The following NECAB3 variants were observed in gnomAD, a reference collection of about 807,000 sequenced individuals.
NECAB3 encodes the protein N-terminal EF-hand calcium binding protein 3.
NECAB3 carries 38 observed loss-of-function variants against 57.2 expected under a neutral mutation model. The observed-to-expected ratio is 0.66, with a 90% CI of 0.51 to 0.87. NECAB3 has a LOEUF of 0.87. Among genes scored for constraint, NECAB3 ranks in the 40% least tolerant of loss-of-function variants. NECAB3 has a pLI of 0.00. For synonymous variants in NECAB3, 223 were observed against 222.6 expected, an observed-to-expected ratio of 1.00 and a Z score of -0.02; for missense variants, 474 against 527.5, an observed-to-expected ratio of 0.90 and a Z score of 0.99.
At chr20:33,669,579 T>C in intron 4 of NECAB3, 107 bp from the exon 5 acceptor site, 1 of 1,540,920 alleles carries the variant, frequency 6.5e-7, no homozygotes, top group Admixed American at 1.9e-5. Context: ...CCTTATATCC[T>C]GAGCCCAGCC....
chr20:33,657,754 C>T lies in NECAB3; in HGVS notation c.*75G>A. ...GAGGAGACAAGTCCTGGTCTTTGCGCTGGGCTGGCCAGTCCAGAAGGCTCC... is the reference window on the plus strand; with the variant it reads ...GAGGAGACAAGTCCTGGTCTTTGCGTTGGGCTGGCCAGTCCAGAAGGCTCC... On this transcript the variant is annotated 3_prime_UTR_variant, in exon 12 of 12. Transcript: ENST00000246190. 1 of 1,436,218 alleles carries T rather than the reference C, an allele frequency of 7.0e-7. No individual in the cohort carries two copies. The highest frequency in any genetic ancestry group is 1.4e-5 in the African/African-American group (1 of 69,682). 89.0% of individuals were successfully genotyped at this position (1,436,218 alleles called of 1,614,324 possible). A position where few individuals can be genotyped will look rare whatever the true frequency, so the allele number is the denominator to read the frequency against.
chr20:33,672,289 AAGAT>A (rs2017843643), intron 2 of NECAB3, 105 bp downstream of exon 2: 1 of 1,357,462 alleles, frequency 7.4e-7, no homozygotes, highest in Non-Finnish European at 1.1e-6. Context: ...TTGGGCCCCC[AAGAT>A]TTGTCTCAAC....
At chr20:33,667,559 A>G (rs2017702112) in intron 5 of NECAB3, 1 of 1,553,850 alleles carries the variant, frequency 6.4e-7, no homozygotes, top group Non-Finnish European at 8.7e-7. Context: ...CTGGCCGTGG[A>G]GGCGGGCGCG....
rs41301829 is a variant in NECAB3, at chr20:33,669,398, C to T, written c.364G>A (p.Ala122Thr). The T allele has an allele frequency of 1.9e-4, 302 of 1,613,544 alleles. 1 individual carries two copies. The highest frequency in any genetic ancestry group is 1.1e-3 in the African/African-American group (84 of 75,040). Residue 122 changes from alanine (A) to threonine (T), a missense_variant, in exon 5 of 12, where the codon GCT (alanine) becomes ACT (threonine). Transcript: ENST00000246190. ...ACCAGCTTGGTGGCATCCATGGCAG[C>T]GAGCACTGCACGGTTCAGCGATTCC... ...ALESLNRAVLAAMDATKLEYE... is the reference protein window; with the variant it reads ...ALESLNRAVLTAMDATKLEYE...
At chr20:33,659,367 G>T in intron 8 of NECAB3, 130 bp downstream of exon 8, 3 of 771,454 alleles carry the variant, frequency 3.9e-6, no homozygotes, top group Non-Finnish European at 5.8e-6. Context: ...CCCGGCACCT[G>T]CTTGCCAGGC....
intron 5 of NECAB3, among the ~76,000 whole-genome samples, chr20:33,666,085 T>A (rs2017640841): frequency 1.3e-5 from 2 of 151,634 alleles, no homozygotes; most frequent in African/African-American, 4.8e-5. Context: ...GTCTCAAAAA[T>A]AATAATAATA....
chr20:33,669,083 T>C, intron 5 of NECAB3: 2 of 419,006 alleles, frequency 4.8e-6, no homozygotes, highest in Non-Finnish European at 4.3e-6. Context: ...AAGCACCCAG[T>C]GTATGCCAGA....
intron 10 of NECAB3, 70 bp downstream of exon 10, chr20:33,658,407 A>G: frequency 6.6e-7 from 1 of 1,510,472 alleles, no homozygotes; most frequent in Non-Finnish European, 9.2e-7. Flanking sequence ...GGAGAGCAGA[A>G]TTAGAACCCT....
chr20:33,658,163 T>G (rs1278959178), intron 10 of NECAB3, 130 bp from the exon 11 acceptor site: 11 of 807,390 alleles, frequency 1.4e-5, no homozygotes, highest in Non-Finnish European at 1.9e-5. Flanking sequence ...ACGGGGAAGC[T>G]GTGTGGGTGG....
chr20:33,668,110 C>G, intron 5 of NECAB3: 5 of 1,608,630 alleles, frequency 3.1e-6, no homozygotes, highest in Non-Finnish European at 4.2e-6. Context: ...CAAGCATGGG[C>G]GTGGCATGGC....
intron 5 of NECAB3, chr20:33,663,647 G>A (rs1365250726): frequency 4.4e-6 from 7 of 1,600,360 alleles, no homozygotes; most frequent in African/African-American, 1.3e-5. Context: ...CCCAGATTGC[G>A]CGGAGCGGGC....
chr20:33,657,833 T>C lies in NECAB3; in HGVS notation c.1187A>G (p.Asn396Ser). The change falls in exon 12 of 12, where the codon AAC becomes AGC. Residue 396 changes from asparagine to serine, a missense_variant. Asn to Ser is a conservative substitution (Grantham distance 46, BLOSUM62 1). Transcript: ENST00000246190. ...CTCGGCGTGTGCAGGTCTGGCTCAGTTGTTATTCATTATCCACCAGGAGGC... is the reference window on the plus strand; with the variant it reads ...CTCGGCGTGTGCAGGTCTGGCTCAGCTGTTATTCATTATCCACCAGGAGGC... The part of the protein sequence containing the change: ...FPASWWIMNN[N>S] The C allele has an allele frequency of 6.5e-7, 1 of 1,538,932 alleles. No individual in the cohort carries two copies.
intron 5 of NECAB3, chr20:33,665,713 T>G (rs1004213802): frequency 6.6e-6 from 1 of 152,248 alleles, no homozygotes. Flanking sequence ...GGGGGATTAT[T>G]ACTACCTTTT....
In NECAB3 at chr20:33,659,802, G is replaced by A. The variant is rs1472528130; in HGVS notation, c.644-70C>T. ...CCCGCAGGTGCTCAGAATGAAGTGAGGGGCAGTGAAGGAGCGGGCCCTGGG... is the reference window on the plus strand; with the variant it reads ...CCCGCAGGTGCTCAGAATGAAGTGAAGGGCAGTGAAGGAGCGGGCCCTGGG... On this transcript the variant is annotated intron_variant, in intron 7 of 11. Coordinates refer to ENST00000246190, the MANE Select transcript of NECAB3 (RefSeq NM_031232.4). The A allele has an allele frequency of 3.3e-6, 5 of 1,532,120 alleles. No individual in the cohort carries two copies. The African/African-American group carries it at 5.5e-5, about 17-fold the overall frequency. 94.9% of individuals were successfully genotyped at this position (1,532,120 alleles called of 1,614,324 possible).
At chr20:33,664,370 C>T (rs906184376) in intron 5 of NECAB3, 2 of 154,306 alleles carry the variant, frequency 1.3e-5, no homozygotes, top group South Asian at 2.0e-4. Context: ...TGGATTCTGC[C>T]TGGGGACGCA....
At chr20:33,658,345 G>A (rs906997106) in intron 10 of NECAB3, 132 bp downstream of exon 10, 3 of 928,542 alleles carry the variant, frequency 3.2e-6, no homozygotes, top group African/African-American at 1.6e-5. Flanking sequence ...GAAAGGACTC[G>A]GGGGCTCGGG....
intron 5 of NECAB3, chr20:33,664,274 G>C (rs1460107604): frequency 5.5e-6 from 1 of 181,100 alleles, no homozygotes; most frequent in African/African-American, 2.4e-5. Context: ...ATCCCTCTTA[G>C]GCATGAGGGA....
rs764936058 is a variant in NECAB3, at chr20:33,660,635, G to A, written c.388-240C>T. On this transcript the variant is annotated intron_variant, in intron 5 of 11. Coordinates refer to ENST00000246190, the MANE Select transcript of NECAB3 (RefSeq NM_031232.4). The surrounding 1 kb of genome is among the most constrained non-coding windows in gnomAD (Gnocchi z 4.1). ...CCAACTCACAGGGGGCATCTGCCCA[G>A]CGAAGTGCCTGGCCTCTCTGGACCT... 3.3e-5 allele frequency among the ~76,000 whole-genome samples: 5 copies of A among 152,212 alleles called. No homozygotes were observed. The highest frequency in any genetic ancestry group is 6.5e-5 in the Admixed American group (1 of 15,286).
chr20:33,657,716 G>C lies in NECAB3; in HGVS notation c.*113C>G. The C allele has an allele frequency of 8.6e-7, 1 of 1,163,396 alleles. No individual in the cohort carries two copies. Among genetic ancestry groups the C allele is most frequent in the Non-Finnish European group, 1.2e-6 (1 of 845,992 alleles). 72.1% of individuals were successfully genotyped at this position (1,163,396 alleles called of 1,614,324 possible). A position where few individuals can be genotyped will look rare whatever the true frequency, so the allele number is the denominator to read the frequency against. ...CCCTGGGCTGAGAGCCCTTCCACCA[G>C]GCCCAAGTCCAGGAGGAGACAAGTC... On this transcript the variant is annotated 3_prime_UTR_variant, in exon 12 of 12. Transcript: ENST00000246190.
Sources: allele counts gnomAD v4.1 joint callset (sites outside exome capture counted in the v4.1 genomes callset), GRCh38; gene constraint gnomAD v4.1.1; non-coding constraint Gnocchi (gnomAD v3.1); transcripts MANE v1.5; gene names NCBI Gene and HGNC (gene_info 2026-07-23, HGNC 2026-07-21).